The following ITGBL1 variants were observed in gnomAD, a reference collection of about 807,000 sequenced individuals.
The protein encoded by ITGBL1 is integrin subunit beta like 1.
In ITGBL1, 51 loss-of-function variants were observed where a neutral mutation model predicts 68.5. The observed-to-expected ratio is 0.74, with a 90% confidence interval of 0.59 to 0.94. The LOEUF is 0.94. Ranked by LOEUF, ITGBL1 falls within the 40% of genes least tolerant of loss-of-function variation. The pLI, the probability that ITGBL1 is intolerant of heterozygous loss-of-function variation, is 0.00. For synonymous variants in ITGBL1, 209 were observed against 227.3 expected, an observed-to-expected ratio of 0.92 and a Z score of 0.72; for missense variants, 649 against 647.4, an observed-to-expected ratio of 1.00 and a Z score of -0.03.
intron 7 of ITGBL1, among the ~76,000 whole-genome samples, chr13:101,615,937 G>T (rs1361265790): frequency 6.6e-6 from 1 of 152,176 alleles, no homozygotes; most frequent in African/African-American, 2.4e-5. Flanking sequence ...TCTTCCGGTG[G>T]CTTGATCTTG....
At chr13:101,547,941 A>G (rs2049855647) in intron 2 of ITGBL1, among the ~76,000 whole-genome samples, 1 of 151,606 alleles carries the variant, frequency 6.6e-6, no homozygotes, top group African/African-American at 2.4e-5. Flanking sequence ...ATATACACAC[A>G]TGTATATACA....
At chr13:101,484,654 G>A (rs1209584757) in intron 2 of ITGBL1, among the ~76,000 whole-genome samples, 2 of 151,972 alleles carry the variant, frequency 1.3e-5, no homozygotes, top group Admixed American at 6.6e-5. Flanking sequence ...GTTGTATAGC[G>A]GGGGAAGTCT....
intron 2 of ITGBL1, among the ~76,000 whole-genome samples, chr13:101,497,393 A>C (rs1157362276): frequency 6.6e-6 from 1 of 152,164 alleles, no homozygotes; most frequent in Non-Finnish European, 1.5e-5. Flanking sequence ...CAGGCGATGG[A>C]GCCAGCTTTA....
intron 2 of ITGBL1, among the ~76,000 whole-genome samples, chr13:101,474,555 C>G (rs1237504359): frequency 6.6e-6 from 1 of 152,122 alleles, no homozygotes; most frequent in Admixed American, 6.5e-5. Context: ...GACTGAAGAG[C>G]CCCTGGGCCT....
intron 6 of ITGBL1, among the ~76,000 whole-genome samples, chr13:101,597,605 G>A (rs550174124): frequency 1.3e-5 from 2 of 151,764 alleles, no homozygotes; most frequent in East Asian, 3.9e-4. Flanking sequence ...AGGCTGGAGT[G>A]CAGTGGCATG....
chr13:101,502,774 T>C (rs751800779), intron 2 of ITGBL1, among the ~76,000 whole-genome samples: 3 of 152,182 alleles, frequency 2.0e-5, no homozygotes, highest in Non-Finnish European at 4.4e-5. Context: ...CCAGTAAGAA[T>C]GCCAGAGGCC....
chr13:101,477,944 C>CA (rs2048560909), intron 2 of ITGBL1, among the ~76,000 whole-genome samples: 1 of 151,834 alleles, frequency 6.6e-6, no homozygotes, highest in Admixed American at 6.6e-5. Flanking sequence ...TTAACTATTT[C>CA]AAAAAATGGA....
At chr13:101,526,122 G>A (rs910431951) in intron 2 of ITGBL1, among the ~76,000 whole-genome samples, 1 of 150,250 alleles carries the variant, frequency 6.7e-6, no homozygotes, top group African/African-American at 2.4e-5. Context: ...GAACTCTGGA[G>A]CCAAAGGCTA....
chr13:101,616,121 G>T (rs1245827110), intron 7 of ITGBL1, among the ~76,000 whole-genome samples: 3 of 152,214 alleles, frequency 2.0e-5, no homozygotes, highest in Admixed American at 6.5e-5. Flanking sequence ...TGTAGTAAAT[G>T]CTCTGACGGA....
intron 9 of ITGBL1, chr13:101,712,703 C>T (rs2034528496): frequency 6.6e-6 from 1 of 152,204 alleles, no homozygotes; most frequent in Admixed American, 6.5e-5. Flanking sequence ...CAATGAAATA[C>T]TCCATGTGGT....
chr13:101,708,876 T>A (rs554702512), intron 9 of ITGBL1, among the ~76,000 whole-genome samples: 1 of 152,308 alleles, frequency 6.6e-6, no homozygotes, highest in Non-Finnish European at 1.5e-5. Context: ...AGCAATCGCT[T>A]TGTGCCTTGT....
chr13:101,632,532 A>C (rs1435706696), intron 7 of ITGBL1, among the ~76,000 whole-genome samples: 1 of 152,238 alleles, frequency 6.6e-6, no homozygotes, highest in Non-Finnish European at 1.5e-5. Flanking sequence ...ATAGGTGTTA[A>C]CCCAAGAGAA....
intron 5 of ITGBL1, among the ~76,000 whole-genome samples, chr13:101,580,789 A>G (rs1398889727): frequency 6.6e-6 from 1 of 152,194 alleles, no homozygotes; most frequent in African/African-American, 2.4e-5. Flanking sequence ...TGGGCTGTGG[A>G]TTAAGGTCAG....
At chr13:101,632,496 C>A (rs1280347126) in intron 7 of ITGBL1, among the ~76,000 whole-genome samples, 2 of 152,164 alleles carry the variant, frequency 1.3e-5, no homozygotes, top group African/African-American at 4.8e-5. Flanking sequence ...AAAGTGCACA[C>A]CTACTCTGTG....
At chr13:101,599,669 C>T (rs1594917749) in intron 7 of ITGBL1, among the ~76,000 whole-genome samples, 2 of 152,216 alleles carry the variant, frequency 1.3e-5, no homozygotes, top group South Asian at 4.1e-4. Context: ...AGCCAGTTTT[C>T]CCAGCACCAT....
rs371167812 is a variant in ITGBL1 at position 101,598,173 on chromosome 13, G to A, written c.889G>A (p.Gly297Arg). The change falls in exon 7 of 11, where the codon GGA (glycine) becomes AGA (arginine). Residue 297 changes from glycine to arginine, a missense_variant. Physicochemically the swap from Gly to Arg is moderately radical, Grantham distance 125. Transcript: ENST00000376180. ...FCSGHGQCNC[G>R]RCDCKAGWYG... ...TGAAGGTCATGGACAGTGTAATTGCGGAAGATGTGACTGCAAAGCAGGCTG... is the reference window on the plus strand; with the variant it reads ...TGAAGGTCATGGACAGTGTAATTGCAGAAGATGTGACTGCAAAGCAGGCTG... The A allele has an allele frequency of 1.5e-5, 25 of 1,613,060 alleles. No individual in the cohort carries two copies. Among genetic ancestry groups the A allele is most frequent in the Non-Finnish European group, 1.8e-5 (21 of 1,179,624 alleles).
intron 9 of ITGBL1, among the ~76,000 whole-genome samples, chr13:101,709,857 A>T (rs2034382821): frequency 6.6e-6 from 1 of 152,258 alleles, no homozygotes; most frequent in Admixed American, 6.5e-5. Flanking sequence ...GGTAACAAAT[A>T]GCAGTCTTCC....
downstream of ITGBL1, chr13:101,717,216 T>C (rs112638219): frequency 2.6e-3 from 399 of 152,220 alleles, 5 homozygotes; most frequent in African/African-American, 9.1e-3. Context: ...TACTTAAAAA[T>C]TTAATATTGA....
chr13:101,481,085 C>CACGCATAT (rs71121196), intron 2 of ITGBL1, among the ~76,000 whole-genome samples: 31 of 149,006 alleles, frequency 2.1e-4, no homozygotes, highest in African/African-American at 6.9e-4. Flanking sequence ...TATATACACA[C>CACGCATAT]ATATATATAC....
Sources: allele counts gnomAD v4.1 joint callset (sites outside exome capture counted in the v4.1 genomes callset), GRCh38; gene constraint gnomAD v4.1.1; transcripts MANE v1.5; gene names NCBI Gene and HGNC (gene_info 2026-07-23, HGNC 2026-07-21).